STING1: variants seen among roughly 807,000 people sequenced by gnomAD.
STING1 encodes stimulator of interferon genes protein.
In STING1, 19 loss-of-function variants were observed where a neutral mutation model predicts 31.6. The observed-to-expected ratio is 0.60, with a 90% CI of 0.42 to 0.88. The LOEUF (loss-of-function observed/expected upper bound fraction) is 0.88, where lower values mean the gene tolerates loss of function less well. Ranked by LOEUF, STING1 falls within the 40% of genes least tolerant of loss-of-function variation. STING1 has a pLI of 0.00. For synonymous variants in STING1, 200 were observed against 208.6 expected (o/e 0.96, Z 0.35); for missense variants, 371 against 483.7 (o/e 0.77, Z 2.19).
chr5:139,481,159 C>T lies in STING1; in HGVS notation c.411G>A (p.Lys137=), dbSNP rs1228782544. Residue 137 remains lysine, a splice_region_variant and synonymous_variant, in exon 4 of 8, where the codon AAG becomes AAA. Coordinates refer to ENST00000330794, the MANE Select transcript of STING1 (RefSeq NM_198282.4). This position sits in a 1 kb window ranked among gnomAD's most constrained non-coding sequence, Gnocchi z 4.1. ...SQALNILLGL[K]GLAPAEISAV... is the part of the protein sequence containing the mutation. ...GCTTCTACCTCCCCCTGTGTCATAC[C>T]TTGAGGCCCAGGAGGATGTTCAGTG... 1.2e-6 allele frequency: 2 copies of T among 1,614,020 alleles called. No homozygotes were observed. Among genetic ancestry groups the T allele is most frequent in the Non-Finnish European group, 1.7e-6 (2 of 1,179,998 alleles).
At chr5:139,479,349 C>T (rs1219273313) in intron 5 of STING1, 1 of 152,018 alleles carries the variant, frequency 6.6e-6, no homozygotes, top group Non-Finnish European at 1.5e-5. Flanking sequence ...CAAATCCTTT[C>T]TCTTCCTCTC....
intron 7 of STING1, among the ~76,000 whole-genome samples, chr5:139,476,891 T>G: frequency 8.3e-6 from 1 of 120,558 alleles, no homozygotes; most frequent in Non-Finnish European, 1.7e-5. Flanking sequence ...GGCAACAGAG[T>G]GAGACTCCAT....
At chr5:139,476,581 C>T in intron 7 of STING1, 127 bp from the exon 8 acceptor site, 1 of 790,230 alleles carries the variant, frequency 1.3e-6, no homozygotes, top group Non-Finnish European at 2.0e-6. Context: ...GCCCCAGCCA[C>T]TGGGACTAGA....
At chr5:139,479,267 AACAACAAC>A (rs1226548203) in intron 5 of STING1, 2 of 151,710 alleles carry the variant, frequency 1.3e-5, no homozygotes, top group Non-Finnish European at 2.9e-5. Context: ...CAACAACAAC[AACAACAAC>A]AACAACAAAC....
In STING1 at chr5:139,481,355, GCCAGACC is replaced by G. The variant is rs1468315923; in HGVS notation, c.228-20_228-14del. On this transcript the variant is annotated splice_polypyrimidine_tract_variant and intron_variant, in intron 3 of 7. Transcript: ENST00000330794. This position sits in a 1 kb window ranked among gnomAD's most constrained non-coding sequence, Gnocchi z 4.1. Reference sequence around the variant, plus strand: ...GCTGCCCCGGTACCTGTGAGTGACAGCCAGACCCCAGACCCCAGCCCCCAGCCCAGCT... The same window carrying G: ...GCTGCCCCGGTACCTGTGAGTGACAGCCAGACCCCAGCCCCCAGCCCAGCT... 8.2e-6 allele frequency: 13 copies of G among 1,583,902 alleles called. No homozygotes were observed. The highest frequency in any genetic ancestry group is 1.0e-5 in the Non-Finnish European group (12 of 1,163,760).
intron 5 of STING1, among the ~76,000 whole-genome samples, chr5:139,479,693 C>T (rs1751777509): frequency 6.9e-6 from 1 of 144,748 alleles, no homozygotes; most frequent in African/African-American, 2.6e-5. Flanking sequence ...AAAAGTGAAA[C>T]TCCATCTTAA....
rs1440624024 is a variant in STING1 at position 139,478,417 on chromosome 5, C to T, written c.612G>A (p.Leu204=). The T allele has an allele frequency of 6.2e-7, 1 of 1,614,040 alleles. No homozygotes were observed. The highest frequency in any genetic ancestry group is 8.5e-7 in the Non-Finnish European group (1 of 1,180,038). ...VSQRLYILLP[L]DCGVPDNLSM... is the part of the protein sequence containing the mutation. The stretch of plus-strand genomic sequence containing the variant: ...TCAGGTTATCAGGCACCCCACAGTC[C>T]AATGGGAGGAGAATATACAGCCGCT... Residue 204 remains leucine (L), a synonymous_variant, in exon 6 of 8, where the codon TTG becomes TTA. Coordinates refer to ENST00000330794, the MANE Select transcript of STING1 (RefSeq NM_198282.4).
At chr5:139,479,486 G>A (rs913238412) in intron 5 of STING1, among the ~76,000 whole-genome samples, 1 of 151,800 alleles carries the variant, frequency 6.6e-6, no homozygotes, top group African/African-American at 2.4e-5. Context: ...TGGATCACCT[G>A]AGGTCAGGAG....
rs371475663 is a variant in STING1 at position 139,480,989 on chromosome 5, A to T, written c.412-91T>A. ...TCCAAGGCTTCCCAACCTGCTCCTG[A>T]CTTGATCCCTCTTTTGCCATTGCCA... On this transcript the variant is annotated intron_variant, in intron 4 of 7. Transcript: ENST00000330794. 2.9e-4 allele frequency: 351 copies of T among 1,221,624 alleles called. 2 individuals carry two copies. In the East Asian group the frequency reaches 5.4e-3, roughly 19 times the overall value. 75.7% of individuals were successfully genotyped at this position (1,221,624 alleles called of 1,614,324 possible). A position where few individuals can be genotyped will look rare whatever the true frequency, so the allele number is the denominator to read the frequency against.
At chr5:139,479,931 G>A (rs1333745749) in intron 5 of STING1, among the ~76,000 whole-genome samples, 2 of 145,092 alleles carry the variant, frequency 1.4e-5, no homozygotes, top group Non-Finnish European at 3.0e-5. Flanking sequence ...CTGAACCCAG[G>A]AGGCAGAGGT....
chr5:139,477,370 G>A lies in STING1; in HGVS notation c.905C>T (p.Ala302Val), dbSNP rs1751693917. The A allele has an allele frequency of 6.2e-7, 1 of 1,614,172 alleles. No individual in the cohort carries two copies. The highest frequency in any genetic ancestry group is 1.1e-5 in the South Asian group (1 of 91,090). ...CRTLEDILAD[A>V]PESQNNCRLI... Reference sequence around the variant, plus strand: ...GCGGCAGTTGTTCTGAGACTCAGGGGCATCTGCCAGGATGTCCTCAAGTGT... The same window carrying A: ...GCGGCAGTTGTTCTGAGACTCAGGGACATCTGCCAGGATGTCCTCAAGTGT... Residue 302 changes from alanine to valine, a missense_variant, in exon 7 of 8, where the codon GCC (alanine) becomes GTC (valine). Transcript: ENST00000330794.
chr5:139,478,631 C>T (rs1751736914), intron 5 of STING1, 123 bp from the exon 6 acceptor site: 1 of 849,710 alleles, frequency 1.2e-6, no homozygotes, highest in Admixed American at 1.9e-5. Flanking sequence ...GTCCAGTGCA[C>T]TCTCATTGTA....
chr5:139,478,241 C>T lies in STING1; in HGVS notation c.759+29G>A, dbSNP rs756158790. Reference sequence around the variant, plus strand: ...GGGTTCTGGGGTCCTGACCCCTCCTCAGAGACCCCCACTCCCCTGCACACT... The same window carrying T: ...GGGTTCTGGGGTCCTGACCCCTCCTTAGAGACCCCCACTCCCCTGCACACT... On this transcript the variant is annotated intron_variant, in intron 6 of 7. Coordinates refer to ENST00000330794, the MANE Select transcript of STING1 (RefSeq NM_198282.4). The T allele has an allele frequency of 2.6e-6, 4 of 1,561,832 alleles. No homozygotes were observed. The Admixed American group carries it at 6.7e-5, about 26-fold the overall frequency.
chr5:139,478,202 T>G, intron 6 of STING1, 68 bp downstream of exon 6: 1 of 1,254,308 alleles, frequency 8.0e-7, no homozygotes, highest in Non-Finnish European at 1.1e-6. Context: ...TCATCAGTGC[T>G]TGGCTAGGGC....
intron 7 of STING1, 37 bp from the exon 8 acceptor site, chr5:139,476,491 C>T: frequency 1.3e-6 from 2 of 1,588,762 alleles, no homozygotes; most frequent in Non-Finnish European, 1.7e-6. Context: ...TAATGAGGAT[C>T]TTACCCATTC....
At position 139,481,468 on chromosome 5, in the gene STING1, A is replaced by G. The variant is rs1392211552; in HGVS notation, c.227+10T>C. 6.2e-7 allele frequency: 1 copy of G among 1,612,632 alleles called. No homozygotes were observed. The highest frequency in any genetic ancestry group is 8.5e-7 in the Non-Finnish European group (1 of 1,179,076). On this transcript the variant is annotated intron_variant, in intron 3 of 7. Transcript: ENST00000330794. The surrounding 1 kb of genome is among the most constrained non-coding windows in gnomAD (Gnocchi z 4.1). ...TGGATACCCCGTCCCTGGGTACTGC[A>G]GTGAGTCACCTGGAGTGGATGTGGC...
Position 139,481,297 on chromosome 5 carries a change from G to A in STING1, c.273C>T (p.Cys91=), listed in dbSNP as rs1352910603. The A allele has an allele frequency of 1.4e-5, 22 of 1,610,236 alleles. No individual in the cohort carries two copies. The East Asian group carries it at 3.1e-4, about 23-fold the overall frequency. Residue 91 remains cysteine (C), a synonymous_variant, in exon 4 of 8, where the codon TGC becomes TGT. Transcript: ENST00000330794. This position sits in a 1 kb window ranked among gnomAD's most constrained non-coding sequence, Gnocchi z 4.1. Reference sequence around the variant, plus strand: ...GCAACAGGGCCCCACGGCGGAGGGGGCAGCCCAGGCAGGCCCGCACAGTCC... The same window carrying A: ...GCAACAGGGCCCCACGGCGGAGGGGACAGCCCAGGCAGGCCCGCACAGTCC... ...YWRTVRACLG[C]PLRRGALLLL...
chr5:139,476,115 G>T lies in STING1; in HGVS notation c.*146C>A, dbSNP rs1034117311. 17 of 624,286 alleles carry T rather than the reference G, an allele frequency of 2.7e-5. No individual in the cohort carries two copies. Among genetic ancestry groups the T allele is most frequent in the Non-Finnish European group, 3.6e-5 (13 of 356,736 alleles). The allele number at this position is 624,286 out of a possible 1,614,324, so 38.7% of individuals were successfully genotyped here. On this transcript the variant is annotated 3_prime_UTR_variant, in exon 8 of 8. Transcript: ENST00000330794. ...AATGACTGGCCCAAGGGGACAAGAC[G>T]CATCTTAAGATGTCAAGTCCTGGAC... is the stretch of plus-strand genomic sequence containing the variant.
intron 5 of STING1, among the ~76,000 whole-genome samples, chr5:139,479,488 G>A (rs1751770635): frequency 6.6e-6 from 1 of 151,756 alleles, no homozygotes; most frequent in Non-Finnish European, 1.5e-5. Context: ...GATCACCTGA[G>A]GTCAGGAGTT....
Sources: gnomAD v4.1 joint callset for allele counts (sites outside exome capture counted in the v4.1 genomes callset) on GRCh38, gnomAD v4.1.1 for gene constraint, Gnocchi (gnomAD v3.1) non-coding constraint, MANE v1.5 for transcripts, NCBI Gene and HGNC (gene_info 2026-07-23, HGNC 2026-07-21) for gene names.